WDR59: variants seen among roughly 807,000 people sequenced by gnomAD.
WDR59 encodes the protein WD repeat domain 59.
In WDR59, 100 loss-of-function variants were observed where a neutral mutation model predicts 131.2. That is an observed-to-expected ratio of 0.76 (90% confidence interval 0.65 to 0.90). The LOEUF is 0.90. Among genes scored for constraint, WDR59 ranks in the 40% least tolerant of loss-of-function variants. WDR59 has a pLI of 0.00. For synonymous variants in WDR59, 601 were observed against 466.2 expected (o/e 1.29, Z -3.72); for missense variants, 1,203 against 1,262.2 (o/e 0.95, Z 0.71).
chr16:74,927,909 T>C (rs1015326256), intron 8 of WDR59, among the ~76,000 whole-genome samples: 2 of 99,184 alleles, frequency 2.0e-5, no homozygotes, highest in African/African-American at 8.1e-5. Context: ...TCTTTCTTTC[T>C]TTTTTTTTTT....
intron 2 of WDR59, 111 bp downstream of exon 2, chr16:74,965,662 A>G: frequency 2.3e-6 from 3 of 1,332,456 alleles, no homozygotes; most frequent in Non-Finnish European, 2.1e-6. Context: ...TCAGAACTAA[A>G]CCCTATGATC....
At chr16:74,944,303 T>TA (rs2032445111) in intron 6 of WDR59, among the ~76,000 whole-genome samples, 1 of 151,854 alleles carries the variant, frequency 6.6e-6, no homozygotes, top group South Asian at 2.1e-4. Context: ...CTGTTTCTAC[T>TA]AAAAATACAA....
At chr16:74,898,677 TG>T (rs1405159507) in intron 18 of WDR59, among the ~76,000 whole-genome samples, 32 of 152,306 alleles carry the variant, frequency 2.1e-4, no homozygotes, top group African/African-American at 7.2e-4. Flanking sequence ...TGCCAATAAA[TG>T]GGTTGAATGT....
In WDR59 at chr16:74,874,379, C is replaced by A. The variant is rs777086809; in HGVS notation, c.2755G>T (p.Gly919Cys). ...VRGTQCAICK[G>C]FTFQCAICHV... ...CAGATGGCACACTGGAACGTGAAGC[C>A]TTTGCAGATGGCACACTGCGTGCCA... Residue 919 changes from glycine (G) to cysteine (C), a missense_variant, in exon 26 of 26, where the codon GGC becomes TGC. By Grantham distance (159) the Gly-to-Cys change is radical (BLOSUM62 -3). Transcript: ENST00000262144. 1 of 1,614,138 alleles carries A rather than the reference C, an allele frequency of 6.2e-7. No homozygotes were observed. The highest frequency in any genetic ancestry group is 1.1e-5 in the South Asian group (1 of 91,086).
chr16:74,945,906 C>T (rs2032600264), intron 6 of WDR59, among the ~76,000 whole-genome samples: 1 of 151,642 alleles, frequency 6.6e-6, no homozygotes, highest in Non-Finnish European at 1.5e-5. Context: ...CAACCTCCAC[C>T]TCCCAGGTTC....
chr16:74,967,640 C>T (rs1222487157), intron 1 of WDR59, among the ~76,000 whole-genome samples: 1 of 152,078 alleles, frequency 6.6e-6, no homozygotes, highest in South Asian at 2.1e-4. Flanking sequence ...GGATGGATCA[C>T]CTGAGGTCAG....
At chr16:74,936,189 G>A (rs1046313353) in intron 8 of WDR59, among the ~76,000 whole-genome samples, 2 of 151,676 alleles carry the variant, frequency 1.3e-5, no homozygotes, top group Admixed American at 1.3e-4. Context: ...ACCACCCTTG[G>A]TACATTCTGG....
intron 22 of WDR59, 103 bp from the exon 23 acceptor site, chr16:74,887,858 C>A: frequency 8.3e-7 from 1 of 1,203,358 alleles, no homozygotes; most frequent in Non-Finnish European, 1.2e-6. Flanking sequence ...TGGCTCATGC[C>A]TGTAATCCTA....
At chr16:74,909,128 C>T in intron 16 of WDR59, 151 bp from the exon 17 acceptor site, 1 of 691,546 alleles carries the variant, frequency 1.4e-6, no homozygotes, top group East Asian at 2.7e-5. Context: ...TGCAGTCACC[C>T]TTACCAGGAA....
At chr16:74,875,359 G>A (rs1173929400) in intron 25 of WDR59, among the ~76,000 whole-genome samples, 1 of 152,174 alleles carries the variant, frequency 6.6e-6, no homozygotes, top group South Asian at 2.1e-4. Context: ...CAGGGGCAGT[G>A]GGTGGGGACT....
intron 21 of WDR59, among the ~76,000 whole-genome samples, chr16:74,889,464 G>C (rs1032171393): frequency 2.0e-5 from 3 of 152,070 alleles, no homozygotes; most frequent in South Asian, 2.1e-4. Context: ...ATCTCTAAAG[G>C]ATACATGAGT....
At chr16:74,927,908 CTTTT>C (rs539167503) in intron 8 of WDR59, among the ~76,000 whole-genome samples, 2 of 124,480 alleles carry the variant, frequency 1.6e-5, no homozygotes, top group South Asian at 2.7e-4. Flanking sequence ...TTCTTTCTTT[CTTTT>C]TTTTTTTTTT....
Position 74,917,939 on chromosome 16 carries a change from T to A in WDR59, c.956A>T (p.Gln319Leu). 6.2e-7 allele frequency: 1 copy of A among 1,613,186 alleles called. No homozygotes were observed. The highest frequency in any genetic ancestry group is 8.5e-7 in the Non-Finnish European group (1 of 1,179,768). ...GCACTGCATACATACCCTCTGCATC[T>A]GGGAATCCACCCGCCACATTCTCAA... Reference protein sequence around the residue: ...QTLRMWRVDSQMQRLCANDIL... With the variant: ...QTLRMWRVDSLMQRLCANDIL... The change falls in exon 11 of 26, where the codon CAG becomes CTG. Residue 319 changes from glutamine (Q) to leucine (L), a missense_variant. By Grantham distance (113) the Gln-to-Leu change is moderately radical (BLOSUM62 -2). Coordinates refer to ENST00000262144, the MANE Select transcript of WDR59 (RefSeq NM_030581.4).
chr16:74,948,581 A>T, intron 5 of WDR59, 25 bp from the exon 6 acceptor site: 2 of 1,602,410 alleles, frequency 1.2e-6, no homozygotes, highest in South Asian at 2.2e-5. Context: ...TAAAAAATCA[A>T]ATCCCCAATT....
intron 8 of WDR59, among the ~76,000 whole-genome samples, chr16:74,931,692 G>C (rs1269391493): frequency 1.3e-5 from 2 of 152,014 alleles, no homozygotes; most frequent in African/African-American, 2.4e-5. Context: ...TGGTGAACAT[G>C]GGGAGACCCA....
intron 8 of WDR59, among the ~76,000 whole-genome samples, chr16:74,933,462 C>G (rs2031561729): frequency 7.4e-6 from 1 of 135,926 alleles, no homozygotes; most frequent in South Asian, 2.2e-4. Flanking sequence ...TCATAAAGCT[C>G]ATGAATCATA....
At chr16:74,911,390 C>G (rs1192067928) in intron 14 of WDR59, among the ~76,000 whole-genome samples, 1 of 152,180 alleles carries the variant, frequency 6.6e-6, no homozygotes, top group Non-Finnish European at 1.5e-5. Context: ...GTGGAACAAT[C>G]AAGTGTCCAC....
At chr16:74,899,692 C>G in intron 18 of WDR59, 6 of 1,289,104 alleles carry the variant, frequency 4.7e-6, no homozygotes, top group Non-Finnish European at 6.1e-6. Context: ...GCACAGCGCA[C>G]AGTACCGGGA....
chr16:74,900,639 T>C (rs990369785), intron 18 of WDR59, among the ~76,000 whole-genome samples: 3 of 152,240 alleles, frequency 2.0e-5, no homozygotes, highest in Admixed American at 6.5e-5. Context: ...GTTAGCAATT[T>C]GATGGCTTTT....
Sources: gnomAD v4.1 joint callset for allele counts (sites outside exome capture counted in the v4.1 genomes callset) on GRCh38, gnomAD v4.1.1 for gene constraint, MANE v1.5 for transcripts, NCBI Gene and HGNC (gene_info 2026-07-23, HGNC 2026-07-21) for gene names.